Variants in GLB1L3 observed in about 807,000 individuals in gnomAD.
GLB1L3 encodes beta-galactosidase-1-like protein 3.
In GLB1L3, 89 loss-of-function variants were observed where a neutral mutation model predicts 89.5. The observed-to-expected ratio is 0.99, with a 90% CI of 0.84 to 1.19. GLB1L3 has a LOEUF of 1.19. Among genes scored for constraint, GLB1L3 ranks in the 50% most tolerant of loss-of-function variants. The probability of loss-of-function intolerance (pLI) is 0.00; values close to 1 mark genes in which losing one functional copy is unlikely to be tolerated. For synonymous variants in GLB1L3, 314 were observed against 312.3 expected (o/e 1.01, Z -0.06); for missense variants, 812 against 813.3 (o/e 1.00, Z 0.02).
chr11:134,309,230 C>T (rs1490804855), intron 10 of GLB1L3, among the ~76,000 whole-genome samples: 1 of 152,132 alleles, frequency 6.6e-6, no homozygotes, highest in Non-Finnish European at 1.5e-5. Context: ...TCAAAAATCT[C>T]TTGGGATTGA....
intron 13 of GLB1L3, chr11:134,312,052 C>T (rs1658407096): frequency 3.7e-6 from 1 of 266,734 alleles, no homozygotes; most frequent in Admixed American, 5.2e-5. Context: ...CTGCTGCGGC[C>T]TCCCAAAGTG....
At chr11:134,303,499 A>G (rs917069722) in intron 9 of GLB1L3, among the ~76,000 whole-genome samples, 8 of 152,090 alleles carry the variant, frequency 5.3e-5, no homozygotes, top group Admixed American at 5.2e-4. Flanking sequence ...CTGGAGTTAC[A>G]GAGTCTGATT....
rs1384892916 is a variant in GLB1L3, at chr11:134,313,983, G to T, written c.1622G>T (p.Gly541Val). The change falls in exon 17 of 20, where the codon GGC becomes GTC. Residue 541 changes from glycine to valine, a missense_variant. Gly to Val is a moderately radical substitution (Grantham distance 109). This residue lies in a region of GLB1L3 where 618 missense variants were observed against 604.0 expected (regional missense o/e 1.02). Transcript: ENST00000431683. ...AGCATCAATAACTCTTCCCTGGAGG[G>T]CTTTACCATCTATTCCCTGGAGATG... ...SVSINNSSLE[G>V]FTIYSLEMKM... The T allele has an allele frequency of 6.2e-7, 1 of 1,612,870 alleles. No homozygotes were observed. Among genetic ancestry groups the T allele is most frequent in the South Asian group, 1.1e-5 (1 of 90,884 alleles).
At position 134,313,398 on chromosome 11, in the gene GLB1L3, C is replaced by A; in HGVS notation, c.1503C>A (p.Asp501Glu). The A allele has an allele frequency of 6.3e-7, 1 of 1,577,634 alleles. No homozygotes were observed. ...CATGACCTGGCCTGTCCCAGCAGGA[C>A]TGCCGATACCTGAGGATCCTGGTGG... ...NKDLHIPELRDCRYLRILVEN... is the reference protein window; with the variant it reads ...NKDLHIPELRECRYLRILVEN... Residue 501 changes from aspartate to glutamate, a missense_variant and splice_region_variant, in exon 16 of 20, where the codon GAC (aspartate) becomes GAA (glutamate). Transcript: ENST00000431683.
At chr11:134,311,403 G>A (rs117501874) in intron 13 of GLB1L3, 21 of 507,414 alleles carry the variant, frequency 4.1e-5, no homozygotes, top group African/African-American at 1.2e-4. Context: ...CCGGGTTCCC[G>A]CTTAGATGAA....
intron 9 of GLB1L3, among the ~76,000 whole-genome samples, chr11:134,301,404 A>T (rs1318378853): frequency 6.6e-6 from 1 of 152,124 alleles, no homozygotes; most frequent in African/African-American, 2.4e-5. Context: ...CACTCAAACT[A>T]AAATATAATG....
rs1565412541 is a variant in GLB1L3 at position 134,308,229 on chromosome 11, CCACCACCAT to C, written c.961+1027_961+1035del. Among the ~76,000 whole-genome samples, 36 of 25,216 alleles carry C rather than the reference CCACCACCAT, an allele frequency of 1.4e-3. 1 individual carries two copies. Among genetic ancestry groups the C allele is most frequent in the African/African-American group, 5.0e-3 (22 of 4,382 alleles). The allele number at this position is 25,216 out of a possible 152,430, so 16.5% of individuals were successfully genotyped here. A position where few individuals can be genotyped will look rare whatever the true frequency, so the allele number is the denominator to read the frequency against. On this transcript the variant is annotated intron_variant, in intron 10 of 19. Transcript: ENST00000431683. ...ACCACCACCACCATCACCATCACCA[CCACCACCAT>C]CACCATCACCACCATCACCACCACC...
At chr11:134,324,258 A>C (rs569624408), downstream of GLB1L3, among the ~76,000 whole-genome samples, 31 of 152,350 alleles carry the variant, frequency 2.0e-4, no homozygotes, top group African/African-American at 7.0e-4. Flanking sequence ...AATATCTGAT[A>C]TACAAGACAT....
chr11:134,325,012 C>G, the GLB1L3 span, among the ~76,000 whole-genome samples: 1 of 152,056 alleles, frequency 6.6e-6, no homozygotes, highest in East Asian at 1.9e-4. Flanking sequence ...ATATCATATT[C>G]TTCCCAAAGT....
At chr11:134,306,052 C>T (rs1232801176) in intron 9 of GLB1L3, among the ~76,000 whole-genome samples, 1 of 152,060 alleles carries the variant, frequency 6.6e-6, no homozygotes, top group East Asian at 1.9e-4. Flanking sequence ...TTGCAAATAA[C>T]ATAAGAATTT....
downstream of GLB1L3, among the ~76,000 whole-genome samples, chr11:134,323,369 A>G (rs1390260529): frequency 6.9e-6 from 1 of 144,830 alleles, no homozygotes; most frequent in Non-Finnish European, 1.5e-5. Context: ...AAACACACAC[A>G]CATGCGTGCG....
Position 134,277,790 on chromosome 11 carries a change from C to T in GLB1L3, c.240C>T (p.Phe80=). Residue 80 remains phenylalanine (F), a synonymous_variant, in exon 3 of 20, where the codon TTC becomes TTT. Transcript: ENST00000431683. ...TESTGRGKPH[F]TLEGHKFLIF... is the part of the protein sequence containing the mutation. ...GCACAGGTCGGGGTAAGCCCCACTTCACACTGGAGGGCCACAAGTTCCTGA... is the reference window on the plus strand; with the variant it reads ...GCACAGGTCGGGGTAAGCCCCACTTTACACTGGAGGGCCACAAGTTCCTGA... The T allele has an allele frequency of 6.2e-7, 1 of 1,614,080 alleles. No individual in the cohort carries two copies. Among genetic ancestry groups the T allele is most frequent in the Non-Finnish European group, 8.5e-7 (1 of 1,180,008 alleles).
intron 8 of GLB1L3, 136 bp from the exon 9 acceptor site, chr11:134,293,009 G>A: frequency 1.4e-6 from 1 of 719,060 alleles, no homozygotes; most frequent in Non-Finnish European, 2.5e-6. Flanking sequence ...GCAGAGTGGG[G>A]TCCAGACAGC....
chr11:134,294,440 C>A (rs1268222643), intron 9 of GLB1L3, among the ~76,000 whole-genome samples: 1 of 152,216 alleles, frequency 6.6e-6, no homozygotes. Context: ...GGATCTGTGG[C>A]TATCTCTAGT....
intron 5 of GLB1L3, among the ~76,000 whole-genome samples, chr11:134,283,309 C>T (rs1940800403): frequency 6.6e-6 from 1 of 152,118 alleles, no homozygotes; most frequent in South Asian, 2.1e-4. Context: ...GGTGATCTGC[C>T]CACCTCGGCC....
At position 134,307,156 on chromosome 11, in the gene GLB1L3, G is replaced by A. The variant is rs1298681598; in HGVS notation, c.909G>A (p.Trp303Ter). ...AGCCCCTTCTGATTATGGAATACTG[G>A]GTCGGCTGGTTCGACAGATGGGGAG... ...RDKPLLIMEY[W>*]VGWFDRWGDK... Residue 303 changes from tryptophan to a stop codon, truncating the protein, a stop_gained, in exon 10 of 20, where the codon TGG becomes TGA. Transcript: ENST00000431683. LOFTEE classifies it high-confidence loss of function. 6.2e-7 allele frequency: 1 copy of A among 1,613,538 alleles called. No individual in the cohort carries two copies. The highest frequency in any genetic ancestry group is 1.3e-5 in the African/African-American group (1 of 74,884).
intron 16 of GLB1L3, 22 bp from the exon 17 acceptor site, chr11:134,313,919 T>C: frequency 6.6e-7 from 1 of 1,505,782 alleles, no homozygotes; most frequent in African/African-American, 1.4e-5. Flanking sequence ...TTCTCTTTCC[T>C]GCCTCCCATC....
rs1942629958 is a variant in GLB1L3, at chr11:134,309,739, C to T, written c.1075C>T (p.His359Tyr). ...FMNGATYFGK[H>Y]SGIVTSYDYD... ...GAACGGGGCCACATATTTCGGGAAG[C>T]ACTCGGGCATTGTCACCAGCTATGG... is the stretch of plus-strand genomic sequence containing the variant. Residue 359 changes from histidine to tyrosine, a missense_variant, in exon 11 of 20, where the codon CAC (histidine) becomes TAC (tyrosine). By Grantham distance (83) the His-to-Tyr change is moderately conservative. This residue lies in a region of GLB1L3 where 618 missense variants were observed against 604.0 expected (regional missense o/e 1.02). Coordinates refer to ENST00000431683, the MANE Select transcript of GLB1L3 (RefSeq NM_001080407.3). The T allele has an allele frequency of 6.2e-7, 1 of 1,613,292 alleles. No individual in the cohort carries two copies. Among genetic ancestry groups the T allele is most frequent in the Non-Finnish European group, 8.5e-7 (1 of 1,179,658 alleles).
At chr11:134,292,914 T>C (rs1941436512) in intron 8 of GLB1L3, 1 of 600,210 alleles carries the variant, frequency 1.7e-6, no homozygotes, top group Non-Finnish European at 3.0e-6. Flanking sequence ...CTCACTTCTC[T>C]GCACAGAGTG....
Sources: allele counts gnomAD v4.1 joint callset (sites outside exome capture counted in the v4.1 genomes callset), GRCh38; gene constraint gnomAD v4.1.1; regional missense constraint gnomAD v4.1.1; transcripts MANE v1.5; gene names NCBI Gene and HGNC (gene_info 2026-07-23, HGNC 2026-07-21).